OSTN: variants seen among roughly 807,000 people sequenced by gnomAD.
OSTN encodes osteocrin.
In OSTN, 9 loss-of-function variants were observed where a neutral mutation model predicts 12.0. The observed-to-expected ratio is 0.75, with a 90% CI of 0.45 to 1.30. The LOEUF (loss-of-function observed/expected upper bound fraction) is 1.30, where lower values mean the gene tolerates loss of function less well. Among genes scored for constraint, OSTN ranks in the 50% most tolerant of loss-of-function variants. The pLI, the probability that OSTN is intolerant of heterozygous loss-of-function variation, is 0.00. For synonymous variants in OSTN, 59 were observed against 56.9 expected (o/e 1.04, Z -0.16); for missense variants, 148 against 152.3 (o/e 0.97, Z 0.15).
chr3:191,227,949 C>T (rs138662180), intron 3 of OSTN, among the ~76,000 whole-genome samples: 178 of 152,138 alleles, frequency 1.2e-3, no homozygotes, highest in Non-Finnish European at 2.1e-3. Context: ...TTTTTCCATG[C>T]CACGAATCCC....
chr3:191,253,132 T>C (rs532123510), intron 4 of OSTN, among the ~76,000 whole-genome samples: 68 of 152,344 alleles, frequency 4.5e-4, no homozygotes, highest in Non-Finnish European at 8.7e-4. Flanking sequence ...GCTAAATTCA[T>C]TGGTTATACA....
chr3:191,237,777 T>C (rs1197386761), intron 3 of OSTN, among the ~76,000 whole-genome samples: 4 of 152,134 alleles, frequency 2.6e-5, no homozygotes, highest in African/African-American at 9.7e-5. Context: ...TGTGACCAAT[T>C]ATTATTTTAG....
chr3:191,259,510 T>TA (rs397777626), intron 4 of OSTN, among the ~76,000 whole-genome samples: 1 of 151,250 alleles, frequency 6.6e-6, no homozygotes, highest in Non-Finnish European at 1.5e-5. Context: ...TTTTTTTTTT[T>TA]AACCAAAATA....
intron 4 of OSTN, among the ~76,000 whole-genome samples, chr3:191,261,918 T>G (rs1416375347): frequency 6.6e-6 from 1 of 152,162 alleles, no homozygotes; most frequent in Non-Finnish European, 1.5e-5. Flanking sequence ...CCTGATAAAA[T>G]TAGAAATGTG....
chr3:191,250,175 G>T lies in OSTN; in HGVS notation c.*12+42G>T, dbSNP rs961638183. On this transcript the variant is annotated intron_variant, in intron 4 of 4. Transcript: ENST00000682035. The stretch of plus-strand genomic sequence containing the variant: ...TAAGTAACAGTATATGCAGGTATTT[G>T]ATTAATATTTCACAATGGACTAATC... 129 of 1,411,856 alleles carry T rather than the reference G, an allele frequency of 9.1e-5. 1 individual carries two copies. Among genetic ancestry groups the T allele is most frequent in the Non-Finnish European group, 9.1e-5 (91 of 997,592 alleles). The allele number at this position is 1,411,856 out of a possible 1,614,324, so 87.5% of individuals were successfully genotyped here.
chr3:191,235,111 C>T (rs901550215), intron 3 of OSTN, among the ~76,000 whole-genome samples: 6 of 152,144 alleles, frequency 3.9e-5, no homozygotes, highest in Non-Finnish European at 7.3e-5. Flanking sequence ...CTTTTCCTCC[C>T]ATCCCCATGC....
intron 3 of OSTN, among the ~76,000 whole-genome samples, chr3:191,223,759 A>T (rs1451052973): frequency 6.6e-6 from 1 of 152,100 alleles, no homozygotes; most frequent in Non-Finnish European, 1.5e-5. Context: ...GAAAAAAAGC[A>T]CGATAAAATA....
At chr3:191,214,365 T>G (rs1714545820) in intron 2 of OSTN, among the ~76,000 whole-genome samples, 1 of 146,050 alleles carries the variant, frequency 6.8e-6, no homozygotes, top group Non-Finnish European at 1.5e-5. Context: ...GGAGAATCAC[T>G]TGAACCTGGG....
intron 4 of OSTN, among the ~76,000 whole-genome samples, chr3:191,252,686 T>C (rs1044299459): frequency 3.9e-5 from 6 of 152,252 alleles, no homozygotes; most frequent in Admixed American, 1.3e-4. Context: ...CACCAAGATT[T>C]CTCTCAGACA....
chr3:191,241,167 C>CTTTTTTT lies in OSTN; in HGVS notation c.318-8847_318-8841dup. Among the ~76,000 whole-genome samples, 160 of 46,462 alleles carry CTTTTTTT rather than the reference C, an allele frequency of 3.4e-3. 59 individuals are homozygous for CTTTTTTT. Among genetic ancestry groups the CTTTTTTT allele is most frequent in the Non-Finnish European group, 4.8e-3 (97 of 20,218 alleles). The allele number at this position is 46,462 out of a possible 152,430, so 30.5% of individuals were successfully genotyped here. A position where few individuals can be genotyped will look rare whatever the true frequency, so the allele number is the denominator to read the frequency against. On this transcript the variant is annotated intron_variant, in intron 3 of 4. Coordinates refer to ENST00000682035, the MANE Select transcript of OSTN (RefSeq NM_198184.2). ...AAGTTGGTGGAGCTCTGTGCCTTGA[C>CTTTTTTT]TTTTTTTTTTTTTTTTTTTTTTTTT...
chr3:191,211,913 A>G (rs1033257916), intron 1 of OSTN, among the ~76,000 whole-genome samples: 5 of 152,080 alleles, frequency 3.3e-5, no homozygotes, highest in African/African-American at 1.2e-4. Context: ...TATCATGTAT[A>G]TATTCAATAT....
chr3:191,205,444 ATAT>A (rs1351081926), intron 1 of OSTN, among the ~76,000 whole-genome samples: 2 of 143,800 alleles, frequency 1.4e-5, no homozygotes, highest in East Asian at 2.0e-4. Context: ...GTAAAAAAAA[ATAT>A]ATATATATAT....
At chr3:191,221,211 G>A (rs1353331690) in intron 3 of OSTN, among the ~76,000 whole-genome samples, 4 of 152,180 alleles carry the variant, frequency 2.6e-5, no homozygotes, top group African/African-American at 9.7e-5. Context: ...GTGGAACTGT[G>A]AGTCAATTAA....
At chr3:191,243,462 G>A (rs73888505) in intron 3 of OSTN, among the ~76,000 whole-genome samples, 11,273 of 152,104 alleles carry the variant, frequency 0.074, 1,343 homozygotes, top group African/African-American at 0.26. Context: ...GTAAAATAAA[G>A]GAACTACAGC....
At chr3:191,243,211 T>A (rs891265945) in intron 3 of OSTN, among the ~76,000 whole-genome samples, 2 of 152,226 alleles carry the variant, frequency 1.3e-5, no homozygotes, top group African/African-American at 4.8e-5. Flanking sequence ...CTTGAGTTCG[T>A]AAATTTGTAC....
intron 1 of OSTN, among the ~76,000 whole-genome samples, chr3:191,200,439 C>T (rs758686256): frequency 6.6e-6 from 1 of 152,040 alleles, no homozygotes; most frequent in Non-Finnish European, 1.5e-5. Context: ...AACCTCAGGG[C>T]TATAATTTTA....
chr3:191,231,886 A>G (rs932026068), intron 3 of OSTN, among the ~76,000 whole-genome samples: 1 of 152,194 alleles, frequency 6.6e-6, no homozygotes, highest in African/African-American at 2.4e-5. Flanking sequence ...TTTTAGAGTG[A>G]TAGAATTTAT....
At chr3:191,238,715 A>G (rs1391841364) in intron 3 of OSTN, among the ~76,000 whole-genome samples, 1 of 152,188 alleles carries the variant, frequency 6.6e-6, no homozygotes, top group Non-Finnish European at 1.5e-5. Context: ...ACAGTGGGAA[A>G]TGCCTTTGAG....
At chr3:191,208,243 G>A (rs1479021917) in intron 1 of OSTN, among the ~76,000 whole-genome samples, 2 of 152,124 alleles carry the variant, frequency 1.3e-5, no homozygotes, top group African/African-American at 4.8e-5. Flanking sequence ...TGGTGCCTAA[G>A]AGATTTTAAA....
Sources: gnomAD v4.1 joint callset for allele counts (sites outside exome capture counted in the v4.1 genomes callset) on GRCh38, gnomAD v4.1.1 for gene constraint, MANE v1.5 for transcripts, NCBI Gene and HGNC (gene_info 2026-07-23, HGNC 2026-07-21) for gene names.